Variants in SORBS2 observed in about 807,000 individuals in gnomAD.
SORBS2 encodes sorbin and SH3 domain containing 2, also known as sorbin and SH3 domain-containing protein 2.
In SORBS2, 46 loss-of-function variants were observed where a neutral mutation model predicts 97.7. That is an observed-to-expected ratio of 0.47 (90% CI 0.37 to 0.60). SORBS2 has a LOEUF of 0.60. Ranked by LOEUF, SORBS2 falls within the 20% of genes least tolerant of loss-of-function variation. The probability of loss-of-function intolerance (pLI) is 0.00; values close to 1 mark genes in which losing one functional copy is unlikely to be tolerated. For missense variants in SORBS2, 1,316 were observed against 1,282.3 expected (o/e 1.03, Z -0.40); for synonymous variants, 476 against 473.4 (o/e 1.01, Z -0.07).
intron 2 of SORBS2, among the ~76,000 whole-genome samples, chr4:185,725,881 A>G (rs1365379348): frequency 2.6e-5 from 4 of 152,196 alleles, no homozygotes; most frequent in African/African-American, 9.7e-5. Flanking sequence ...CAAGCCCAAC[A>G]CAACATGATC....
intron 1 of SORBS2, among the ~76,000 whole-genome samples, chr4:185,839,783 A>C (rs1205289161): frequency 6.6e-6 from 1 of 152,226 alleles, no homozygotes; most frequent in Non-Finnish European, 1.5e-5. Context: ...GGTCTGGGTG[A>C]GGTGGAACAA....
intron 4 of SORBS2, chr4:185,666,085 G>C: frequency 7.8e-7 from 1 of 1,289,846 alleles, no homozygotes; most frequent in Non-Finnish European, 1.0e-6. Context: ...TGGTGAGAAA[G>C]TGGCTCGGTT....
chr4:185,811,137 C>T (rs1585213787), intron 1 of SORBS2: 1 of 152,204 alleles, frequency 6.6e-6, no homozygotes, highest in Non-Finnish European at 1.5e-5. Flanking sequence ...CACCAAGACA[C>T]TCAGTCCAGG....
chr4:185,940,089 G>A (rs919165800), intron 1 of SORBS2, among the ~76,000 whole-genome samples: 8 of 152,184 alleles, frequency 5.3e-5, no homozygotes, highest in African/African-American at 1.9e-4. Flanking sequence ...TGTTTTCTCT[G>A]TCTCTTCAGA....
At chr4:185,810,982 T>A (rs2153667054) in intron 1 of SORBS2, 1 of 152,292 alleles carries the variant, frequency 6.6e-6, no homozygotes, top group Non-Finnish European at 1.5e-5. Flanking sequence ...CTTCCTTTCT[T>A]TCCTTGGATT....
chr4:185,698,466 C>G (rs1279632221), intron 2 of SORBS2, among the ~76,000 whole-genome samples: 1 of 151,804 alleles, frequency 6.6e-6, no homozygotes, highest in Non-Finnish European at 1.5e-5. Flanking sequence ...GCACTCCAGC[C>G]TGGGTGACAG....
exon 7 of SORBS2, chr4:185,624,192 A>G (rs61736043): frequency 6.2e-7 from 1 of 1,614,044 alleles, no homozygotes; most frequent in Non-Finnish European, 8.5e-7. Context: ...TCCTCACATA[A>G]CAGGGAGCCC....
At chr4:185,674,556 G>A (rs1451000519) in intron 4 of SORBS2, among the ~76,000 whole-genome samples, 5 of 152,056 alleles carry the variant, frequency 3.3e-5, no homozygotes, top group African/African-American at 1.2e-4. Context: ...AAATAATAAT[G>A]GTGGTAGCCT....
At chr4:185,660,356 A>AT (rs34169206), upstream of SORBS2, among the ~76,000 whole-genome samples, 1 of 152,220 alleles carries the variant, frequency 6.6e-6, no homozygotes, top group African/African-American at 2.4e-5. Context: ...GCATAGTTCC[A>AT]TTTTAAACAA....
At chr4:185,645,113 C>T (rs1457883183) in intron 4 of SORBS2, among the ~76,000 whole-genome samples, 1 of 152,112 alleles carries the variant, frequency 6.6e-6, no homozygotes, top group East Asian at 1.9e-4. Flanking sequence ...GGTGGGAGAG[C>T]GTCTAAAACC....
At chr4:185,872,470 C>T (rs548879821) in intron 1 of SORBS2, among the ~76,000 whole-genome samples, 13 of 152,162 alleles carry the variant, frequency 8.5e-5, no homozygotes, top group African/African-American at 2.4e-4. Flanking sequence ...CATCTGTGCG[C>T]GTGGAATGCA....
intron 1 of SORBS2, among the ~76,000 whole-genome samples, chr4:185,915,174 C>T (rs2099257421): frequency 6.6e-6 from 1 of 152,206 alleles, no homozygotes; most frequent in Non-Finnish European, 1.5e-5. Flanking sequence ...ATACTGCTTT[C>T]AGCAGCATTT....
chr4:185,929,505 G>T (rs2099265373), intron 1 of SORBS2, among the ~76,000 whole-genome samples: 1 of 150,686 alleles, frequency 6.6e-6, no homozygotes, highest in Non-Finnish European at 1.5e-5. Context: ...ATAGCAAAGA[G>T]GTTTTATTTG....
chr4:185,660,742 G>A (rs2097503395), upstream of SORBS2, among the ~76,000 whole-genome samples: 1 of 152,120 alleles, frequency 6.6e-6, no homozygotes, highest in Admixed American at 6.5e-5. Context: ...TTCAAGTCCT[G>A]GGTTTTAGTT....
chr4:185,754,459 C>A (rs2098819299), intron 2 of SORBS2, among the ~76,000 whole-genome samples: 1 of 152,034 alleles, frequency 6.6e-6, no homozygotes, highest in Non-Finnish European at 1.5e-5. Context: ...CACATGTACC[C>A]CTGAACTTAA....
intron 2 of SORBS2, among the ~76,000 whole-genome samples, chr4:185,694,587 A>C (rs2098143126): frequency 6.6e-6 from 1 of 152,158 alleles, no homozygotes; most frequent in Admixed American, 6.5e-5. Flanking sequence ...GTCAAAATAC[A>C]TATGGCAATA....
chr4:185,708,779 A>C (rs1455947587), intron 2 of SORBS2, among the ~76,000 whole-genome samples: 1 of 152,198 alleles, frequency 6.6e-6, no homozygotes, highest in African/African-American at 2.4e-5. Flanking sequence ...CAAGGGGGAA[A>C]AGGCCCACAA....
intron 2 of SORBS2, among the ~76,000 whole-genome samples, chr4:185,742,290 A>G (rs1562243548): frequency 1.3e-5 from 2 of 152,228 alleles, no homozygotes; most frequent in Non-Finnish European, 2.9e-5. Context: ...AAATAAACAT[A>G]TGCACCCAGG....
intron 12 of SORBS2, among the ~76,000 whole-genome samples, chr4:185,600,224 A>C (rs762956309): frequency 1.2e-4 from 19 of 152,208 alleles, no homozygotes; most frequent in Non-Finnish European, 2.8e-4. Context: ...TTTCCACACC[A>C]CAGGCACCAG....
Sources: gnomAD v4.1 joint callset for allele counts (sites outside exome capture counted in the v4.1 genomes callset) on GRCh38, gnomAD v4.1.1 for gene constraint, MANE v1.5 for transcripts, NCBI Gene and HGNC (gene_info 2026-07-23, HGNC 2026-07-21) for gene names.